The following SRPK2 variants were observed in gnomAD, a reference collection of about 807,000 sequenced individuals.
SRPK2 encodes SRSF protein kinase 2.
SRPK2 carries 21 observed loss-of-function variants against 90.8 expected under a neutral mutation model. That is an observed-to-expected ratio of 0.23 (90% confidence interval 0.16 to 0.33). The LOEUF (loss-of-function observed/expected upper bound fraction) is 0.33, where lower values mean the gene tolerates loss of function less well. Among genes scored for constraint, SRPK2 ranks in the 10% least tolerant of loss-of-function variants. SRPK2 has a pLI of 1.00. For missense variants in SRPK2, 620 were observed against 869.0 expected, an observed-to-expected ratio of 0.71 and a Z score of 3.60; for synonymous variants, 288 against 311.1, an observed-to-expected ratio of 0.93 and a Z score of 0.78.
chr7:105,269,115 G>T (rs994139932), intron 2 of SRPK2: 12 of 1,116,102 alleles, frequency 1.1e-5, no homozygotes, highest in African/African-American at 1.6e-5. Context: ...AAGCAGAGGG[G>T]TGTTTTCTTT....
chr7:105,270,806 T>C (rs1293113548), intron 2 of SRPK2, among the ~76,000 whole-genome samples: 1 of 152,150 alleles, frequency 6.6e-6, no homozygotes, highest in African/African-American at 2.4e-5. Context: ...TAATAACATA[T>C]ATCTGAAAGG....
At chr7:105,243,795 C>T (rs1801177566) in intron 2 of SRPK2, among the ~76,000 whole-genome samples, 1 of 152,088 alleles carries the variant, frequency 6.6e-6, no homozygotes, top group South Asian at 2.1e-4. Flanking sequence ...AACCATAACA[C>T]AATAAGAATC....
At chr7:105,282,282 G>A (rs1191932410) in intron 2 of SRPK2, among the ~76,000 whole-genome samples, 1 of 152,174 alleles carries the variant, frequency 6.6e-6, no homozygotes. Flanking sequence ...GGAGAATGAA[G>A]CCAGAGTTCC....
chr7:105,146,135 T>G (rs554686612), intron 8 of SRPK2, among the ~76,000 whole-genome samples: 21 of 152,350 alleles, frequency 1.4e-4, no homozygotes, highest in Admixed American at 9.8e-4. Context: ...CAAGAATTTA[T>G]GTACACAAAA....
intron 2 of SRPK2, among the ~76,000 whole-genome samples, chr7:105,312,492 T>C (rs1401017589): frequency 6.7e-6 from 1 of 148,980 alleles, no homozygotes; most frequent in Non-Finnish European, 1.5e-5. Context: ...CATTATACTA[T>C]GTAAACAAAG....
chr7:105,286,463 T>G (rs969320465), intron 2 of SRPK2, among the ~76,000 whole-genome samples: 2 of 152,332 alleles, frequency 1.3e-5, no homozygotes. Context: ...TGACCGTAGT[T>G]TATGAGGTAA....
At chr7:105,351,780 G>T (rs1228029581) in intron 2 of SRPK2, among the ~76,000 whole-genome samples, 1 of 149,948 alleles carries the variant, frequency 6.7e-6, no homozygotes, top group African/African-American at 2.5e-5. Flanking sequence ...CTCCAGCCTG[G>T]GAGACAAGAA....
chr7:105,319,151 T>C (rs1812622238), intron 2 of SRPK2, among the ~76,000 whole-genome samples: 1 of 152,208 alleles, frequency 6.6e-6, no homozygotes, highest in Non-Finnish European at 1.5e-5. Flanking sequence ...AAGAAAAACA[T>C]ATGTTCACAG....
At chr7:105,301,439 G>A (rs565167106) in intron 2 of SRPK2, 26 of 764,824 alleles carry the variant, frequency 3.4e-5, no homozygotes, top group South Asian at 4.4e-5. Context: ...GGGGGTCGCC[G>A]GGCCTCTGGG....
intron 9 of SRPK2, chr7:105,144,030 T>G (rs1804178566): frequency 6.6e-6 from 1 of 152,270 alleles, no homozygotes; most frequent in Admixed American, 6.5e-5. Flanking sequence ...GTTCCAGAAC[T>G]TACATTCCAA....
At chr7:105,385,907 C>T (rs1821528553) in intron 2 of SRPK2, among the ~76,000 whole-genome samples, 1 of 152,162 alleles carries the variant, frequency 6.6e-6, no homozygotes, top group African/African-American at 2.4e-5. Flanking sequence ...TAACATGTCC[C>T]ATCTTCATTT....
intron 2 of SRPK2, among the ~76,000 whole-genome samples, chr7:105,255,523 T>C (rs1238438237): frequency 3.3e-5 from 5 of 152,204 alleles, no homozygotes. Flanking sequence ...GTGGCAGTTT[T>C]GAAAACAGAA....
chr7:105,131,686 C>G (rs950178822), intron 13 of SRPK2, among the ~76,000 whole-genome samples: 1 of 152,142 alleles, frequency 6.6e-6, no homozygotes. Flanking sequence ...GGAGGTAAAA[C>G]ACAGTAAATT....
chr7:105,114,936 G>C (rs931599539), downstream of SRPK2, among the ~76,000 whole-genome samples: 1 of 152,184 alleles, frequency 6.6e-6, no homozygotes, highest in Non-Finnish European at 1.5e-5. Flanking sequence ...TGTCTGAGAA[G>C]AAATGGTTTT....
In SRPK2 at chr7:105,203,594, G is replaced by A. The variant is rs759318486; in HGVS notation, c.229+34C>T. On this transcript the variant is annotated intron_variant, in intron 3 of 15. Transcript: ENST00000393651. ...AATTACTACACAGCCCAATGGGGAA[G>A]GCAAGCCCCACACCACCATGCTTGG... The A allele has an allele frequency of 1.5e-5, 22 of 1,459,906 alleles. No individual in the cohort carries two copies. In the Admixed American group the frequency reaches 4.0e-4, roughly 26 times the overall value. 90.4% of individuals were successfully genotyped at this position (1,459,906 alleles called of 1,614,324 possible). A position where few individuals can be genotyped will look rare whatever the true frequency, so the allele number is the denominator to read the frequency against.
chr7:105,244,931 C>A (rs1483794940), intron 2 of SRPK2: 4 of 1,479,574 alleles, frequency 2.7e-6, no homozygotes, highest in African/African-American at 2.8e-5. Flanking sequence ...AAAGCAACGT[C>A]CTGGCCGCCA....
At chr7:105,121,854 G>A (rs1800428920) in intron 15 of SRPK2, among the ~76,000 whole-genome samples, 1 of 152,210 alleles carries the variant, frequency 6.6e-6, no homozygotes, top group African/African-American at 2.4e-5. Context: ...CCATGAAATT[G>A]TCATATTCCA....
chr7:105,309,912 A>C (rs1811522765), intron 2 of SRPK2, among the ~76,000 whole-genome samples: 1 of 152,162 alleles, frequency 6.6e-6, no homozygotes, highest in Non-Finnish European at 1.5e-5. Context: ...GGGGCTCATA[A>C]GCCAGTAGAG....
chr7:105,244,118 A>C (rs990809853), intron 2 of SRPK2, among the ~76,000 whole-genome samples: 4 of 152,212 alleles, frequency 2.6e-5, no homozygotes, highest in Non-Finnish European at 5.9e-5. Context: ...GCTGGTCAGG[A>C]GGCTTTTCCA....
Sources: allele counts gnomAD v4.1 joint callset (sites outside exome capture counted in the v4.1 genomes callset), GRCh38; gene constraint gnomAD v4.1.1; transcripts MANE v1.5; gene names NCBI Gene and HGNC (gene_info 2026-07-23, HGNC 2026-07-21).